Variants in NCK2 observed in about 807,000 individuals in gnomAD.
NCK2 encodes NCK adaptor protein 2.
In NCK2, 16 loss-of-function variants were observed where a neutral mutation model predicts 33.9. The ratio of observed to expected loss-of-function variants is 0.47; its 90% CI spans 0.32 to 0.72. NCK2 has a LOEUF of 0.72. NCK2 is among the 30% of genes least tolerant of loss of function. The pLI is 0.03. For missense variants in NCK2, 418 were observed against 537.3 expected (o/e 0.78, Z 2.19); for synonymous variants, 273 against 239.9 (o/e 1.14, Z -1.27).
chr2:105,873,974 T>C (rs1678132395), intron 3 of NCK2, among the ~76,000 whole-genome samples: 1 of 152,050 alleles, frequency 6.6e-6, no homozygotes, highest in African/African-American at 2.4e-5. Context: ...TCATGGGCCT[T>C]CCCCCATGGC....
At chr2:105,801,166 C>G (rs945399318) in intron 1 of NCK2, among the ~76,000 whole-genome samples, 1 of 152,150 alleles carries the variant, frequency 6.6e-6, no homozygotes, top group African/African-American at 2.4e-5. Context: ...AGGTGAGTGT[C>G]CCATAAATCT....
intron 2 of NCK2, among the ~76,000 whole-genome samples, chr2:105,820,431 C>A (rs1266695479): frequency 1.3e-5 from 2 of 152,158 alleles, no homozygotes; most frequent in African/African-American, 4.8e-5. Context: ...TGGGGCTGGG[C>A]TGAGAGCAGC....
rs188092802 is a variant in NCK2, at chr2:105,771,894, C to G, written c.-201+26756C>G. ...TCTATATTTTTCTCCGCAGCTGTTC[C>G]CAGAAGCTTCCTCAGACTGACTTCC... On this transcript the variant is annotated intron_variant, in intron 1 of 4. Transcript: ENST00000233154. Among the ~76,000 whole-genome samples the G allele has an allele frequency of 5.9e-5, 9 of 152,294 alleles. No homozygotes were observed. In the East Asian group the frequency reaches 1.7e-3, roughly 29 times the overall value.
chr2:105,757,677 A>G (rs1689637246), intron 1 of NCK2, among the ~76,000 whole-genome samples: 1 of 152,110 alleles, frequency 6.6e-6, no homozygotes, highest in African/African-American at 2.4e-5. Context: ...GAGATCTTAC[A>G]AGCTCACAGT....
At chr2:105,854,927 A>G (rs929884555) in intron 2 of NCK2, 121 bp from the exon 3 acceptor site, 29 of 677,260 alleles carry the variant, frequency 4.3e-5, no homozygotes, top group Non-Finnish European at 5.2e-5. Context: ...TTCAAGACCC[A>G]GGAGAAAACT....
At chr2:105,780,574 A>T (rs1412511149) in intron 1 of NCK2, among the ~76,000 whole-genome samples, 1 of 152,152 alleles carries the variant, frequency 6.6e-6, no homozygotes, top group Admixed American at 6.5e-5. Context: ...TGCTGTCTGT[A>T]ATTATGCTGA....
At chr2:105,758,165 G>A (rs535747409) in intron 1 of NCK2, among the ~76,000 whole-genome samples, 145 of 152,206 alleles carry the variant, frequency 9.5e-4, no homozygotes, top group Middle Eastern at 3.4e-3. Context: ...GTCTCAGGTA[G>A]CACACTAATA....
chr2:105,834,654 T>A (rs1676321224), intron 2 of NCK2, among the ~76,000 whole-genome samples: 1 of 152,074 alleles, frequency 6.6e-6, no homozygotes, highest in Non-Finnish European at 1.5e-5. Flanking sequence ...TTAAAGGGTT[T>A]TTTTTTCAAT....
At chr2:105,809,294 C>T (rs1675205312) in intron 1 of NCK2, among the ~76,000 whole-genome samples, 1 of 152,122 alleles carries the variant, frequency 6.6e-6, no homozygotes, top group African/African-American at 2.4e-5. Context: ...ATGGTTGAGT[C>T]TCACAAAAGT....
chr2:105,803,660 A>C (rs947846054), intron 1 of NCK2, among the ~76,000 whole-genome samples: 3 of 152,176 alleles, frequency 2.0e-5, no homozygotes, highest in Non-Finnish European at 4.4e-5. Flanking sequence ...CTTCACACCC[A>C]GGTTAGTCGT....
intron 1 of NCK2, among the ~76,000 whole-genome samples, chr2:105,812,050 C>T (rs1029913042): frequency 6.6e-6 from 1 of 152,158 alleles, no homozygotes; most frequent in African/African-American, 2.4e-5. Context: ...CTCGTGTTTT[C>T]ATTAATCAGC....
intron 3 of NCK2, chr2:105,855,548 C>A (rs1255171497): frequency 2.8e-6 from 1 of 354,096 alleles, no homozygotes; most frequent in African/African-American, 2.1e-5. Flanking sequence ...CAGGTATCTC[C>A]TTGTATCAAA....
intron 4 of NCK2, among the ~76,000 whole-genome samples, chr2:105,889,363 T>G (rs1159067390): frequency 6.6e-6 from 1 of 152,212 alleles, no homozygotes; most frequent in Middle Eastern, 3.2e-3. Context: ...CATTCCCATC[T>G]TTTTCTGGTG....
At chr2:105,771,125 T>G (rs937675055) in intron 1 of NCK2, among the ~76,000 whole-genome samples, 4 of 152,092 alleles carry the variant, frequency 2.6e-5, no homozygotes, top group Admixed American at 6.5e-5. Context: ...GGTTTCACTC[T>G]GTTAGCCAGG....
At chr2:105,805,928 G>A (rs1385068896) in intron 1 of NCK2, among the ~76,000 whole-genome samples, 1 of 152,100 alleles carries the variant, frequency 6.6e-6, no homozygotes, top group African/African-American at 2.4e-5. Context: ...TTTTGGGGAT[G>A]GAGCCAAGTC....
chr2:105,808,752 C>A (rs1156925293), intron 1 of NCK2, among the ~76,000 whole-genome samples: 1 of 152,190 alleles, frequency 6.6e-6, no homozygotes, highest in African/African-American at 2.4e-5. Flanking sequence ...AAATCAGCTA[C>A]AGAAAGTCAC....
intron 1 of NCK2, among the ~76,000 whole-genome samples, chr2:105,775,943 C>CA (rs1005279449): frequency 6.6e-5 from 10 of 151,932 alleles, no homozygotes; most frequent in African/African-American, 1.2e-4. Context: ...CCACCACCAA[C>CA]AAAAAAAACA....
chr2:105,822,542 A>G (rs946971722), intron 2 of NCK2, among the ~76,000 whole-genome samples: 4 of 152,022 alleles, frequency 2.6e-5, no homozygotes, highest in East Asian at 3.9e-4. Context: ...ACGTTCTTGC[A>G]TAGTCAATAA....
chr2:105,869,774 G>T (rs1474392065), intron 3 of NCK2, among the ~76,000 whole-genome samples: 4 of 152,100 alleles, frequency 2.6e-5, no homozygotes, highest in African/African-American at 9.7e-5. Flanking sequence ...CATGGATCTG[G>T]TATATGTGTT....
Sources: allele counts gnomAD v4.1 joint callset (sites outside exome capture counted in the v4.1 genomes callset), GRCh38; gene constraint gnomAD v4.1.1; transcripts MANE v1.5; gene names NCBI Gene and HGNC (gene_info 2026-07-23, HGNC 2026-07-21).